Variants in SLC7A11 observed in about 807,000 individuals in gnomAD.
SLC7A11 encodes cystine/glutamate transporter.
A neutral mutation model predicts 54.5 loss-of-function variants in SLC7A11; 35 were observed. The ratio of observed to expected loss-of-function variants is 0.64; its 90% CI spans 0.49 to 0.85. SLC7A11 has a LOEUF of 0.85. Among genes scored for constraint, SLC7A11 ranks in the 40% least tolerant of loss-of-function variants. The probability of loss-of-function intolerance (pLI) is 0.00; values close to 1 mark genes in which losing one functional copy is unlikely to be tolerated. For synonymous variants in SLC7A11, 230 were observed against 225.2 expected (o/e 1.02, Z -0.19); for missense variants, 583 against 618.1 (o/e 0.94, Z 0.60).
chr4:138,182,461 TC>T, intron 8 of SLC7A11, 68 bp from the exon 9 acceptor site: 2 of 966,088 alleles, frequency 2.1e-6, no homozygotes, highest in East Asian at 2.5e-5. Flanking sequence ...AATCCAAAAA[TC>T]CCAGAGAAAA....
At chr4:138,172,240 T>C (rs1736444402) in intron 11 of SLC7A11, among the ~76,000 whole-genome samples, 1 of 152,222 alleles carries the variant, frequency 6.6e-6, no homozygotes, top group Admixed American at 6.5e-5. Context: ...AATACATTAA[T>C]ATTTTGCATT....
At chr4:138,236,555 G>A (rs2148456741) in intron 1 of SLC7A11, 104 bp from the exon 2 acceptor site, 1 of 1,109,544 alleles carries the variant, frequency 9.0e-7, no homozygotes, top group Non-Finnish European at 1.3e-6. Flanking sequence ...AGATGTAACT[G>A]CCTCCTTTGG....
In SLC7A11 at chr4:138,166,498, G is replaced by A. The variant is rs989105285; in HGVS notation, c.*5458C>T. 2 of 152,516 alleles carry A rather than the reference G, an allele frequency of 1.3e-5. No individual in the cohort carries two copies. Among genetic ancestry groups the A allele is most frequent in the Admixed American group, 1.3e-4 (2 of 15,242 alleles). 9.4% of individuals were successfully genotyped at this position (152,516 alleles called of 1,614,324 possible). On this transcript the variant is annotated 3_prime_UTR_variant, in exon 12 of 12. Coordinates refer to ENST00000280612, the MANE Select transcript of SLC7A11 (RefSeq NM_014331.4). ...AGAGGTAATAAGGACTTAGCAAGCA[G>A]TTCTCCTAACCAATACATTAATTCA...
At chr4:138,230,413 T>TAAAAAA (rs5862372) in intron 3 of SLC7A11, among the ~76,000 whole-genome samples, 1 of 141,430 alleles carries the variant, frequency 7.1e-6, no homozygotes, top group Non-Finnish European at 1.5e-5. Context: ...AAATGAAAGC[T>TAAAAAA]AAAAAAAAAA....
intron 2 of SLC7A11, among the ~76,000 whole-genome samples, chr4:138,233,536 C>T (rs1012365160): frequency 3.9e-5 from 6 of 152,144 alleles, no homozygotes; most frequent in Non-Finnish European, 7.4e-5. Context: ...TCTTTCTTCT[C>T]GTGGTTACCC....
At chr4:138,236,946 C>G (rs1738222179) in intron 1 of SLC7A11, among the ~76,000 whole-genome samples, 1 of 146,906 alleles carries the variant, frequency 6.8e-6, no homozygotes, top group Non-Finnish European at 1.5e-5. Flanking sequence ...TGTATCCACT[C>G]TTTAGAAAAC....
intron 6 of SLC7A11, among the ~76,000 whole-genome samples, chr4:138,186,150 T>A (rs544697869): frequency 6.6e-6 from 1 of 152,250 alleles, no homozygotes; most frequent in South Asian, 2.1e-4. Flanking sequence ...ACGTTACCAA[T>A]ACACATTACT....
chr4:138,232,017 A>G (rs1454967899), intron 3 of SLC7A11, among the ~76,000 whole-genome samples: 1 of 152,194 alleles, frequency 6.6e-6, no homozygotes, highest in Non-Finnish European at 1.5e-5. Context: ...AATAGACTTA[A>G]TATTTTACTA....
chr4:138,196,906 C>G (rs1737150897), intron 6 of SLC7A11, among the ~76,000 whole-genome samples: 1 of 152,144 alleles, frequency 6.6e-6, no homozygotes, highest in South Asian at 2.1e-4. Context: ...GTGATACGCC[C>G]ACCTTGGCCT....
chr4:138,171,505 C>T lies in SLC7A11; in HGVS notation c.*451G>A, dbSNP rs1736423583. On this transcript the variant is annotated 3_prime_UTR_variant, in exon 12 of 12. Coordinates refer to ENST00000280612, the MANE Select transcript of SLC7A11 (RefSeq NM_014331.4). ...ATAAATTTCTTTCTCTCCTCTTTGC[C>T]ATAATCATGATGTATGCTTTTTTTC... 1 of 153,362 alleles carries T rather than the reference C, an allele frequency of 6.5e-6. No homozygotes were observed. The highest frequency in any genetic ancestry group is 1.5e-5 in the Non-Finnish European group (1 of 68,662). The allele number at this position is 153,362 out of a possible 1,614,324, so 9.5% of individuals were successfully genotyped here.
chr4:138,206,758 C>T (rs1346229499), intron 6 of SLC7A11, among the ~76,000 whole-genome samples: 1 of 151,728 alleles, frequency 6.6e-6, no homozygotes, highest in African/African-American at 2.4e-5. Flanking sequence ...GAATTTTGAT[C>T]CCAAGGTACA....
chr4:138,170,271 T>TATATATACACACAC lies in SLC7A11; in HGVS notation c.*1684_*1685insGTGTGTGTATATAT, dbSNP rs752680028. ...GTGTGTATATATATATATATATATA[T>TATATATACACACAC]ACACACACACACACACACACACATA... On this transcript the variant is annotated 3_prime_UTR_variant, in exon 12 of 12. Coordinates refer to ENST00000280612, the MANE Select transcript of SLC7A11 (RefSeq NM_014331.4). 1.1e-3 allele frequency: 94 copies of TATATATACACACAC among 86,242 alleles called. No individual in the cohort carries two copies. The highest frequency in any genetic ancestry group is 1.3e-3 in the African/African-American group (31 of 23,794). The allele number at this position is 86,242 out of a possible 1,614,324, so 5.3% of individuals were successfully genotyped here. A position where few individuals can be genotyped will look rare whatever the true frequency, so the allele number is the denominator to read the frequency against.
Position 138,164,737 on chromosome 4 carries a change from CAGTT to C in SLC7A11, c.*7215_*7218del, listed in dbSNP as rs1156940740. Reference sequence around the variant, plus strand: ...AAGAAACTCTGCTTGAGTTGAGGACCAGTTAGTTAGGATATTGAGGATCACTCTT... The same window carrying C: ...AAGAAACTCTGCTTGAGTTGAGGACCAGTTAGGATATTGAGGATCACTCTT... On this transcript the variant is annotated 3_prime_UTR_variant, in exon 12 of 12. Transcript: ENST00000280612. 6 of 151,980 alleles carry C rather than the reference CAGTT, an allele frequency of 3.9e-5. No homozygotes were observed. Among genetic ancestry groups the C allele is most frequent in the East Asian group, 3.9e-4 (2 of 5,188 alleles). 9.4% of individuals were successfully genotyped at this position (151,980 alleles called of 1,614,324 possible). A position where few individuals can be genotyped will look rare whatever the true frequency, so the allele number is the denominator to read the frequency against.
In SLC7A11 at chr4:138,214,566, G is replaced by T. The variant is rs2148439169; in HGVS notation, c.791+19C>A. The stretch of plus-strand genomic sequence containing the variant: ...ATTTTATTCTTCATAAAAATTTCAG[G>T]GTACATCTGGCTACTTACTTTTCAG... On this transcript the variant is annotated intron_variant, in intron 6 of 11. Transcript: ENST00000280612. The T allele has an allele frequency of 2.1e-6, 3 of 1,420,160 alleles. No individual in the cohort carries two copies. The highest frequency in any genetic ancestry group is 2.9e-6 in the Non-Finnish European group (3 of 1,043,418). 88.0% of individuals were successfully genotyped at this position (1,420,160 alleles called of 1,614,324 possible).
At chr4:138,215,081 G>A (rs935487046) in intron 5 of SLC7A11, among the ~76,000 whole-genome samples, 3 of 152,070 alleles carry the variant, frequency 2.0e-5, no homozygotes, top group Non-Finnish European at 2.9e-5. Flanking sequence ...AATAGCACAC[G>A]AGCACAAAAG....
chr4:138,227,471 T>G (rs1164319295), intron 3 of SLC7A11, among the ~76,000 whole-genome samples: 2 of 152,244 alleles, frequency 1.3e-5, no homozygotes, highest in African/African-American at 4.8e-5. Context: ...AATATAAACT[T>G]ATTTTATGGC....
chr4:138,230,117 T>C (rs1397767467), intron 3 of SLC7A11, among the ~76,000 whole-genome samples: 1 of 152,156 alleles, frequency 6.6e-6, no homozygotes, highest in Non-Finnish European at 1.5e-5. Flanking sequence ...TGCGGGAACA[T>C]GGATAGAGCT....
intron 6 of SLC7A11, among the ~76,000 whole-genome samples, chr4:138,204,749 G>A (rs943946624): frequency 6.6e-6 from 1 of 151,912 alleles, no homozygotes; most frequent in Non-Finnish European, 1.5e-5. Flanking sequence ...AAATCTGCCA[G>A]GAAGTCATTC....
rs989772064 is a variant in SLC7A11, at chr4:138,215,014, T to A, written c.747-385A>T. Among the ~76,000 whole-genome samples the A allele has an allele frequency of 3.2e-4, 48 of 152,230 alleles. 1 individual carries two copies. Among genetic ancestry groups the A allele is most frequent in the African/African-American group, 1.1e-3 (46 of 41,552 alleles). ...GAGGAGGCATCACCCAACTTGAACCTTTAAGAACTGCTTTATCTTACCCTG... is the reference window on the plus strand; with the variant it reads ...GAGGAGGCATCACCCAACTTGAACCATTAAGAACTGCTTTATCTTACCCTG... On this transcript the variant is annotated intron_variant, in intron 5 of 11. Transcript: ENST00000280612.
Sources: gnomAD v4.1 joint callset for allele counts (sites outside exome capture counted in the v4.1 genomes callset) on GRCh38, gnomAD v4.1.1 for gene constraint, MANE v1.5 for transcripts, NCBI Gene and HGNC (gene_info 2026-07-23, HGNC 2026-07-21) for gene names.